The following VIRMA variants were observed in gnomAD, a reference collection of about 807,000 sequenced individuals.
VIRMA encodes vir like m6A methyltransferase associated, also known as protein virilizer homolog.
In VIRMA, 65 loss-of-function variants were observed where a neutral mutation model predicts 182.4. The ratio of observed to expected loss-of-function variants is 0.36; its 90% CI spans 0.29 to 0.44. VIRMA has a LOEUF of 0.44. Ranked by LOEUF, VIRMA falls within the 20% of genes least tolerant of loss-of-function variation. VIRMA has a pLI of 1.00. For missense variants in VIRMA, 1,752 were observed against 2,158.1 expected (o/e 0.81, Z 3.73); for synonymous variants, 709 against 743.1 (o/e 0.95, Z 0.75).
At chr8:94,531,379 T>C (rs919286695) in intron 5 of VIRMA, among the ~76,000 whole-genome samples, 11 of 152,324 alleles carry the variant, frequency 7.2e-5, no homozygotes, top group African/African-American at 2.4e-4. Context: ...TGTTAAAGTA[T>C]AAGGAAATGA....
At position 94,510,433 on chromosome 8, in the gene VIRMA, C is replaced by A. The variant is rs1814322593; in HGVS notation, c.3610G>T (p.Val1204Leu). 6.2e-7 allele frequency: 1 copy of A among 1,612,786 alleles called. No individual in the cohort carries two copies. The highest frequency in any genetic ancestry group is 1.3e-5 in the African/African-American group (1 of 74,896). ...TGAAAATACCTTTGCAAGTCTTCTA[C>A]AATCAAATCCAACACAGTTCTCATA... ...LIMRTVLDLI[V>L]EDLQSTSEDK... Residue 1204 changes from valine (V) to leucine (L), a missense_variant, in exon 14 of 24, where the codon GTA becomes TTA. Coordinates refer to ENST00000297591, the MANE Select transcript of VIRMA (RefSeq NM_015496.5).
At position 94,528,231 on chromosome 8, in the gene VIRMA, C is replaced by CAA. The variant is rs11368037; in HGVS notation, c.880+837_880+838dup. ...TGGGTCATGGAATGAGACTTTGTCT[C>CAA]AAAAAAAAAAAAAAAAAAAGAAAGA... On this transcript the variant is annotated intron_variant, in intron 7 of 23. Transcript: ENST00000297591. 1.1e-4 allele frequency among the ~76,000 whole-genome samples: 10 copies of CAA among 91,784 alleles called. No homozygotes were observed. The East Asian group carries it at 1.1e-3, about 10-fold the overall frequency. 60.2% of individuals were successfully genotyped at this position (91,784 alleles called of 152,430 possible). A position where few individuals can be genotyped will look rare whatever the true frequency, so the allele number is the denominator to read the frequency against.
intron 1 of VIRMA, among the ~76,000 whole-genome samples, chr8:94,549,898 C>T (rs988546476): frequency 1.2e-4 from 19 of 152,010 alleles, no homozygotes; most frequent in Non-Finnish European, 2.8e-4. Flanking sequence ...GAATTCAAGA[C>T]CAGCCTGGGA....
intron 16 of VIRMA, among the ~76,000 whole-genome samples, chr8:94,502,262 C>T (rs1814013957): frequency 6.6e-6 from 1 of 151,838 alleles, no homozygotes; most frequent in Non-Finnish European, 1.5e-5. Context: ...TGCTTGAGCC[C>T]GGGAGGCGAA....
chr8:94,549,274 A>G (rs1279706442), intron 1 of VIRMA, among the ~76,000 whole-genome samples: 2 of 152,236 alleles, frequency 1.3e-5, no homozygotes, highest in African/African-American at 2.4e-5. Context: ...AGCTGGCAAT[A>G]AAGATTCCCT....
At chr8:94,537,271 A>T (rs1214670204) in intron 3 of VIRMA, 120 bp from the exon 4 acceptor site, 4 of 711,352 alleles carry the variant, frequency 5.6e-6, no homozygotes, top group Non-Finnish European at 9.6e-6. Context: ...GTTTTGATTC[A>T]ATAAACCACA....
At position 94,492,284 on chromosome 8, in the gene VIRMA, C is replaced by CTTT. The variant is rs770111580; in HGVS notation, c.4808+365_4808+367dup. Among the ~76,000 whole-genome samples, 36 of 140,334 alleles carry CTTT rather than the reference C, an allele frequency of 2.6e-4. 1 individual carries two copies. The highest frequency in any genetic ancestry group is 9.1e-4 in the South Asian group (4 of 4,384). The allele number at this position is 140,334 out of a possible 152,430, so 92.1% of individuals were successfully genotyped here. A position where few individuals can be genotyped will look rare whatever the true frequency, so the allele number is the denominator to read the frequency against. Reference sequence around the variant, plus strand: ...TCCTTTCTAGTTTAATAGCATGTGTCTTTTTTTTTTTTTTTGAGAGACAGA... The same window carrying CTTT: ...TCCTTTCTAGTTTAATAGCATGTGTCTTTTTTTTTTTTTTTTTTGAGAGACAGA... On this transcript the variant is annotated intron_variant, in intron 21 of 23. Coordinates refer to ENST00000297591, the MANE Select transcript of VIRMA (RefSeq NM_015496.5).
chr8:94,515,138 C>T (rs1399876426), intron 10 of VIRMA, among the ~76,000 whole-genome samples, 187 bp from the exon 11 acceptor site: 4 of 150,636 alleles, frequency 2.7e-5, no homozygotes, highest in Admixed American at 2.7e-4. Context: ...TCTTGTTGCA[C>T]AGGCTGGAGT....
rs552478797 is a variant in VIRMA, at chr8:94,553,409, A to G, written c.39T>C (p.Asp13=). The part of the protein sequence containing the change: ...VDSAMELLFL[D]TFKHPSAEQS... ...CCTCAGCGCTCGGGTGTTTAAAAGT[A>G]TCTAAAAATAACAGCTCCATCGCCG... The change falls in exon 1 of 24, where the codon GAT becomes GAC. Residue 13 remains aspartate, a synonymous_variant. Coordinates refer to ENST00000297591, the MANE Select transcript of VIRMA (RefSeq NM_015496.5). The G allele has an allele frequency of 1.4e-4, 218 of 1,614,214 alleles. 1 individual carries two copies. The South Asian group carries it at 2.1e-3, about 15-fold the overall frequency.
rs1318186261 is a variant in VIRMA, at chr8:94,526,710, T to G, written c.1534A>C (p.Ser512Arg). ...AAAGCTTCCATTCCTTCTGTCATAC[T>G]AATGACACTGTCCAAAGCTTTAAAA... is the stretch of plus-strand genomic sequence containing the variant. ...NAFKALDSVI[S>R]MTEGMEAFLR... The change falls in exon 8 of 24, where the codon AGT becomes CGT. Residue 512 changes from serine to arginine, a missense_variant. Ser to Arg is a moderately radical substitution (Grantham distance 110). Coordinates refer to ENST00000297591, the MANE Select transcript of VIRMA (RefSeq NM_015496.5). 1 of 1,613,750 alleles carries G rather than the reference T, an allele frequency of 6.2e-7. No homozygotes were observed. Among genetic ancestry groups the G allele is most frequent in the Admixed American group, 1.7e-5 (1 of 60,010 alleles).
chr8:94,527,534 T>C (rs1035559865), intron 7 of VIRMA, among the ~76,000 whole-genome samples, 171 bp from the exon 8 acceptor site: 7 of 152,244 alleles, frequency 4.6e-5, no homozygotes, highest in African/African-American at 1.7e-4. Flanking sequence ...TAATTTCTAA[T>C]AGAATTATGG....
chr8:94,532,878 T>C (rs1359282042), intron 5 of VIRMA, among the ~76,000 whole-genome samples: 1 of 152,122 alleles, frequency 6.6e-6, no homozygotes, highest in Admixed American at 6.5e-5. Flanking sequence ...GAAGGACTGC[T>C]TGAGTCCAGG....
In VIRMA at chr8:94,510,283, G is replaced by GTAGGTA. The variant is rs1380875589; in HGVS notation, c.3626+128_3626+133dup. On this transcript the variant is annotated intron_variant, in intron 14 of 23. Transcript: ENST00000297591. ...TTCATATATTCATATGTGTGCATATGTAGGTATATGTGTATATTTACATGT... is the reference window on the plus strand; with the variant it reads ...TTCATATATTCATATGTGTGCATATGTAGGTATAGGTATATGTGTATATTTACATGT... The GTAGGTA allele has an allele frequency of 4.7e-6, 3 of 641,224 alleles. No individual in the cohort carries two copies. In the East Asian group the frequency reaches 8.2e-5, roughly 17 times the overall value. The allele number at this position is 641,224 out of a possible 1,614,324, so 39.7% of individuals were successfully genotyped here.
chr8:94,515,475 A>G (rs1814531362), intron 10 of VIRMA, among the ~76,000 whole-genome samples: 2 of 151,892 alleles, frequency 1.3e-5, no homozygotes, highest in South Asian at 4.2e-4. Flanking sequence ...CAACTCAATC[A>G]ATCCTCCTGC....
chr8:94,524,306 G>A (rs1209141548), intron 8 of VIRMA, among the ~76,000 whole-genome samples: 2 of 146,510 alleles, frequency 1.4e-5, no homozygotes, highest in African/African-American at 2.5e-5. Flanking sequence ...GCCGGTGTTT[G>A]TTTGTTTGTT....
chr8:94,533,045 A>G (rs1336187314), intron 5 of VIRMA, among the ~76,000 whole-genome samples: 1 of 152,152 alleles, frequency 6.6e-6, no homozygotes, highest in African/African-American at 2.4e-5. Flanking sequence ...CAATTTTAAA[A>G]CAAATCAGTA....
intron 1 of VIRMA, among the ~76,000 whole-genome samples, chr8:94,545,337 T>C (rs12334844): frequency 0.04 from 6,073 of 152,264 alleles, 132 homozygotes; most frequent in Non-Finnish European, 0.05. Context: ...TCAAAGTCCA[T>C]CATGAGAAGA....
rs368254971 is a variant in VIRMA, at chr8:94,527,039, G to A, written c.1205C>T (p.Thr402Ile). ...YREDRGAKWV[T>I]ALEEIPSLII... Reference sequence around the variant, plus strand: ...TAAACTTGGAATTTCTTCTAAAGCTGTTACCCATTTTGCACCTCTATCTTC... The same window carrying A: ...TAAACTTGGAATTTCTTCTAAAGCTATTACCCATTTTGCACCTCTATCTTC... The change falls in exon 8 of 24, where the codon ACA becomes ATA. Residue 402 changes from threonine (T) to isoleucine (I), a missense_variant. By Grantham distance (89) the Thr-to-Ile change is moderately conservative. Coordinates refer to ENST00000297591, the MANE Select transcript of VIRMA (RefSeq NM_015496.5). The A allele has an allele frequency of 6.2e-7, 1 of 1,614,118 alleles. No individual in the cohort carries two copies. The highest frequency in any genetic ancestry group is 1.1e-5 in the South Asian group (1 of 91,078).
At chr8:94,516,403 GCAAA>G (rs1326028219) in intron 10 of VIRMA, among the ~76,000 whole-genome samples, 3 of 152,002 alleles carry the variant, frequency 2.0e-5, no homozygotes, top group African/African-American at 7.3e-5. Context: ...GCCATTTACT[GCAAA>G]CAAACTCAAA....
Sources: gnomAD v4.1 joint callset for allele counts (sites outside exome capture counted in the v4.1 genomes callset) on GRCh38, gnomAD v4.1.1 for gene constraint, MANE v1.5 for transcripts, NCBI Gene and HGNC (gene_info 2026-07-23, HGNC 2026-07-21) for gene names.